FRK: variants seen among roughly 807,000 people sequenced by gnomAD.
The protein encoded by FRK is fyn related Src family tyrosine kinase.
Under a neutral mutation model 56.4 loss-of-function variants are expected in FRK, and 51 were observed. The observed-to-expected ratio is 0.90, with a 90% CI of 0.72 to 1.14. The LOEUF is 1.14. Ranked by LOEUF, FRK falls within the 50% of genes most tolerant of loss-of-function variation. The probability of loss-of-function intolerance (pLI) is 0.00; values close to 1 mark genes in which losing one functional copy is unlikely to be tolerated. For synonymous variants in FRK, 245 were observed against 217.9 expected (o/e 1.12, Z -1.10); for missense variants, 570 against 601.4 (o/e 0.95, Z 0.55).
chr6:116,017,397 A>C (rs1453532776), intron 1 of FRK, among the ~76,000 whole-genome samples: 4 of 152,204 alleles, frequency 2.6e-5, no homozygotes, highest in Non-Finnish European at 5.9e-5. Flanking sequence ...AGCTGTAACC[A>C]ATCCAGCTGT....
the FRK span, among the ~76,000 whole-genome samples, chr6:116,082,628 A>AT: frequency 1.3e-5 from 2 of 152,182 alleles, no homozygotes; most frequent in Non-Finnish European, 1.5e-5. Context: ...GGCTCCAAGC[A>AT]TTTTTGTCTG....
chr6:115,980,883 T>A (rs1291843785), intron 2 of FRK, among the ~76,000 whole-genome samples: 1 of 152,144 alleles, frequency 6.6e-6, no homozygotes, highest in Non-Finnish European at 1.5e-5. Flanking sequence ...CTAAACTGAT[T>A]TCTAAACTGT....
chr6:116,069,558 G>A, the FRK span, among the ~76,000 whole-genome samples: 1 of 152,092 alleles, frequency 6.6e-6, no homozygotes, highest in South Asian at 2.1e-4. Flanking sequence ...ATCACTTGAG[G>A]CTAAGAGTTC....
At position 115,941,832 on chromosome 6, in the gene FRK, CA is replaced by C; in HGVS notation, c.*581del. 1 of 152,718 alleles carries C rather than the reference CA, an allele frequency of 6.5e-6. No individual in the cohort carries two copies. Among genetic ancestry groups the C allele is most frequent in the Middle Eastern group, 3.4e-3 (1 of 294 alleles). 9.5% of individuals were successfully genotyped at this position (152,718 alleles called of 1,614,324 possible). On this transcript the variant is annotated 3_prime_UTR_variant, in exon 8 of 8. Transcript: ENST00000606080. ...GACTTCGTTTTCTCAACAGCTGCAT[CA>C]TTTTTTTATGCATAGAAAAAAATGT...
At chr6:116,027,398 T>TA (rs1342277943) in intron 1 of FRK, among the ~76,000 whole-genome samples, 1 of 152,166 alleles carries the variant, frequency 6.6e-6, no homozygotes, top group Non-Finnish European at 1.5e-5. Context: ...AAGACTGGTT[T>TA]AAAAAATCGA....
chr6:116,096,385 G>T, the FRK span, among the ~76,000 whole-genome samples: 2 of 152,208 alleles, frequency 1.3e-5, no homozygotes, highest in Non-Finnish European at 2.9e-5. Context: ...GATTGTAAAT[G>T]TACCAATCAA....
intron 2 of FRK, among the ~76,000 whole-genome samples, chr6:115,990,967 T>C (rs1307089025): frequency 6.6e-6 from 1 of 151,990 alleles, no homozygotes; most frequent in Non-Finnish European, 1.5e-5. Flanking sequence ...TTTATAGTTG[T>C]CCTTGTAGAG....
intron 4 of FRK, among the ~76,000 whole-genome samples, chr6:115,965,403 G>A (rs2114592880): frequency 6.9e-5 from 1 of 14,530 alleles, no homozygotes; most frequent in South Asian, 5.1e-3. Flanking sequence ...GGAAACAACA[G>A]GTGCTGGAGA....
chr6:116,050,468 G>A (rs1445362105), intron 1 of FRK, among the ~76,000 whole-genome samples: 4 of 152,006 alleles, frequency 2.6e-5, no homozygotes, highest in Non-Finnish European at 5.9e-5. Context: ...ACAGAGCAAC[G>A]CCTGCTTCCT....
At chr6:115,950,535 T>C (rs1772696429) in intron 5 of FRK, among the ~76,000 whole-genome samples, 1 of 152,142 alleles carries the variant, frequency 6.6e-6, no homozygotes, top group Non-Finnish European at 1.5e-5. Context: ...CTGGAGAGGA[T>C]GTGGAGAAAG....
At chr6:116,100,037 T>G in the FRK span, among the ~76,000 whole-genome samples, 1 of 152,256 alleles carries the variant, frequency 6.6e-6, no homozygotes, top group African/African-American at 2.4e-5. Context: ...TATACAGTTC[T>G]TGAGAGAATT....
At chr6:116,099,897 G>A in the FRK span, among the ~76,000 whole-genome samples, 2 of 152,246 alleles carry the variant, frequency 1.3e-5, no homozygotes, top group African/African-American at 2.4e-5. Context: ...TTTTTAAAAT[G>A]AGGTACTATG....
intron 1 of FRK, among the ~76,000 whole-genome samples, chr6:116,014,784 A>AGGG (rs1361204042): frequency 1.3e-5 from 2 of 152,222 alleles, no homozygotes; most frequent in Non-Finnish European, 2.9e-5. Context: ...TTCACAAACA[A>AGGG]ATATGAGATG....
At chr6:115,949,268 C>CT (rs1053895859) in intron 5 of FRK, among the ~76,000 whole-genome samples, 2 of 17,666 alleles carry the variant, frequency 1.1e-4, no homozygotes, top group East Asian at 0.12. Flanking sequence ...TATTTGAATA[C>CT]CTTTATTTCT....
chr6:116,047,027 A>C lies in FRK; in HGVS notation c.344+12941T>G, dbSNP rs1776991074. Among the ~76,000 whole-genome samples the C allele has an allele frequency of 2.0e-5, 3 of 150,736 alleles. No homozygotes were observed. In the South Asian group the frequency reaches 6.3e-4, roughly 31 times the overall value. Reference sequence around the variant, plus strand: ...TCACAAACTTCTTCATGAGTTACATATATATATGTATGTATATATATTTAT... The same window carrying C: ...TCACAAACTTCTTCATGAGTTACATCTATATATGTATGTATATATATTTAT... On this transcript the variant is annotated intron_variant, in intron 1 of 7. Coordinates refer to ENST00000606080, the MANE Select transcript of FRK (RefSeq NM_002031.3).
the FRK span, among the ~76,000 whole-genome samples, chr6:116,092,579 C>T: frequency 6.6e-6 from 1 of 152,166 alleles, no homozygotes; most frequent in Non-Finnish European, 1.5e-5. Context: ...GCCACTAAAT[C>T]CGACCTTCCT....
At chr6:116,061,470 GAGT>G (rs976642833), upstream of FRK, among the ~76,000 whole-genome samples, 9 of 151,332 alleles carry the variant, frequency 5.9e-5, no homozygotes, top group African/African-American at 9.7e-5. Flanking sequence ...GAGAAAAAAA[GAGT>G]AGAACAGAAA....
intron 1 of FRK, among the ~76,000 whole-genome samples, chr6:116,044,358 C>T (rs1776854795): frequency 6.6e-6 from 1 of 152,166 alleles, no homozygotes; most frequent in African/African-American, 2.4e-5. Context: ...CAAACTGAAT[C>T]CAGCAACATA....
At chr6:116,029,625 G>A (rs952373) in intron 1 of FRK, among the ~76,000 whole-genome samples, 51,960 of 151,914 alleles carry the variant, frequency 0.34, 11,294 homozygotes, top group East Asian at 0.77. Flanking sequence ...GTAAGGGCCA[G>A]GCACCGTGCA....
Sources: allele counts gnomAD v4.1 joint callset (sites outside exome capture counted in the v4.1 genomes callset), GRCh38; gene constraint gnomAD v4.1.1; transcripts MANE v1.5; gene names NCBI Gene and HGNC (gene_info 2026-07-23, HGNC 2026-07-21).